CIMIP2A: variants seen among roughly 807,000 people sequenced by gnomAD.
CIMIP2A encodes family with sequence similarity 166 member A.
the CIMIP2A span, chr9:137,244,313 A>G: frequency 9.9e-6 from 16 of 1,612,772 alleles, no homozygotes; most frequent in Non-Finnish European, 1.4e-5. Context: ...AGGTGCTAAC[A>G]AGCTCCCTCC....
At chr9:137,244,808 A>G in the CIMIP2A span, 2 of 1,583,026 alleles carry the variant, frequency 1.3e-6, no homozygotes, top group Non-Finnish European at 1.7e-6. Context: ...ACCTGCCCTC[A>G]GACGTGTCAG....
At chr9:137,246,211 C>G in the CIMIP2A span, among the ~76,000 whole-genome samples, 27 of 152,334 alleles carry the variant, frequency 1.8e-4, no homozygotes, top group African/African-American at 6.5e-4. Flanking sequence ...GACGTGTGGG[C>G]CAGGACATAG....
chr9:137,244,488 GC>G, the CIMIP2A span: 1 of 1,495,740 alleles, frequency 6.7e-7, no homozygotes, highest in Admixed American at 2.1e-5. Flanking sequence ...AGGGGTTGGG[GC>G]GGCACCTCCG....
At chr9:137,252,707 C>A in the CIMIP2A span, 1 of 1,552,956 alleles carries the variant, frequency 6.4e-7, no homozygotes, top group Middle Eastern at 1.7e-4. Flanking sequence ...GCCCGCCTTC[C>A]CCGCCTTCAG....
chr9:137,245,910 C>T, the CIMIP2A span: 5 of 1,371,500 alleles, frequency 3.6e-6, no homozygotes, highest in Non-Finnish European at 2.9e-6. Flanking sequence ...CAGCACTGGG[C>T]AGGGCCCCTT....
At chr9:137,252,618 T>TG in the CIMIP2A span, 2 of 1,518,694 alleles carry the variant, frequency 1.3e-6, no homozygotes, top group Admixed American at 2.0e-5. Flanking sequence ...TGAGGGTCCG[T>TG]GGGGAGCACC....
At chr9:137,244,498 CG>C in the CIMIP2A span, 1 of 1,499,250 alleles carries the variant, frequency 6.7e-7, no homozygotes, top group Non-Finnish European at 8.9e-7. Context: ...GCGGCACCTC[CG>C]GGGACAGGAG....
chr9:137,248,913 A>C, the CIMIP2A span, among the ~76,000 whole-genome samples: 2 of 152,224 alleles, frequency 1.3e-5, no homozygotes, highest in African/African-American at 4.8e-5. Context: ...AAAAACTGGA[A>C]AAAAGTTTGC....
At chr9:137,244,800 C>G in the CIMIP2A span, 4 of 1,588,506 alleles carry the variant, frequency 2.5e-6, no homozygotes, top group Non-Finnish European at 3.4e-6. Context: ...GCACACCCAC[C>G]TGCCCTCAGA....
At chr9:137,246,908 C>T in the CIMIP2A span, among the ~76,000 whole-genome samples, 349 of 152,262 alleles carry the variant, frequency 2.3e-3, 1 homozygote, top group African/African-American at 8.0e-3. Context: ...CACACACACA[C>T]GTTCCGTAGA....
At chr9:137,247,647 T>C in the CIMIP2A span, 8 of 1,611,986 alleles carry the variant, frequency 5.0e-6, no homozygotes, top group Non-Finnish European at 6.8e-6. Context: ...CCTCCAGAGC[T>C]CCCGGCTCTC....
At chr9:137,248,406 G>A in the CIMIP2A span, among the ~76,000 whole-genome samples, 3 of 151,994 alleles carry the variant, frequency 2.0e-5, no homozygotes, top group African/African-American at 4.8e-5. Context: ...AGCCAGGTGC[G>A]GTGGCGTGCG....
At chr9:137,243,735 A>T in the CIMIP2A span, 11 of 1,614,100 alleles carry the variant, frequency 6.8e-6, no homozygotes, top group South Asian at 1.2e-4. Context: ...CATTCCTTCC[A>T]GTAGGCCCTC....
chr9:137,252,919 C>T, the CIMIP2A span: 1 of 1,600,166 alleles, frequency 6.2e-7, no homozygotes, highest in Non-Finnish European at 8.5e-7. Flanking sequence ...GCTCGCCGGC[C>T]TTCTCGATGA....
chr9:137,248,471 A>T, the CIMIP2A span, among the ~76,000 whole-genome samples: 2 of 146,896 alleles, frequency 1.4e-5, no homozygotes, highest in African/African-American at 5.1e-5. Flanking sequence ...TGAACCCAGG[A>T]GGTGGAGATT....
chr9:137,252,481 G>T, the CIMIP2A span: 3 of 1,596,804 alleles, frequency 1.9e-6, no homozygotes, highest in Non-Finnish European at 2.6e-6. Flanking sequence ...GTTCCAGAGC[G>T]AAAGCCCCTT....
chr9:137,253,239 G>A, the CIMIP2A span: 115 of 1,606,688 alleles, frequency 7.2e-5, no homozygotes, highest in Non-Finnish European at 9.5e-5. Context: ...CCTTCTGCAC[G>A]CTCTAGAGCC....
At chr9:137,244,631 C>T in the CIMIP2A span, 33 of 1,613,152 alleles carry the variant, frequency 2.0e-5, no homozygotes, top group Admixed American at 1.3e-4. Flanking sequence ...CCCTGGATGG[C>T]GCTTTCCTAC....
chr9:137,244,146 A>T, the CIMIP2A span: 2 of 1,610,852 alleles, frequency 1.2e-6, no homozygotes, highest in Non-Finnish European at 1.7e-6. Flanking sequence ...GGGTGTGTCC[A>T]TGTGACCCTG....
Sources: gnomAD v4.1 joint callset for allele counts (sites outside exome capture counted in the v4.1 genomes callset) on GRCh38, gnomAD v4.1.1 for gene constraint, MANE v1.5 for transcripts, NCBI Gene and HGNC (gene_info 2026-07-23, HGNC 2026-07-21) for gene names.